The following ATP8B4 variants were observed in gnomAD, a reference collection of about 807,000 sequenced individuals.
ATP8B4 encodes the protein probable phospholipid-transporting ATPase IM.
ATP8B4 carries 133 observed loss-of-function variants against 145.6 expected under a neutral mutation model. That is an observed-to-expected ratio of 0.91 (90% confidence interval 0.79 to 1.05). The LOEUF (loss-of-function observed/expected upper bound fraction) is 1.05, where lower values mean the gene tolerates loss of function less well. ATP8B4 is among the 50% of genes least tolerant of loss of function. ATP8B4 has a pLI of 0.00. For missense variants in ATP8B4, 1,458 were observed against 1,425.2 expected, an observed-to-expected ratio of 1.02 and a Z score of -0.37; for synonymous variants, 507 against 492.9, an observed-to-expected ratio of 1.03 and a Z score of -0.38.
intron 2 of ATP8B4, among the ~76,000 whole-genome samples, chr15:50,102,430 G>T (rs992206807): frequency 1.3e-5 from 2 of 152,002 alleles, no homozygotes; most frequent in Non-Finnish European, 2.9e-5. Flanking sequence ...CAATACCACA[G>T]AAATACAAAA....
chr15:50,031,741 C>A (rs955674326), intron 6 of ATP8B4, among the ~76,000 whole-genome samples: 1 of 152,114 alleles, frequency 6.6e-6, no homozygotes, highest in Non-Finnish European at 1.5e-5. Context: ...AAGAATATAG[C>A]AGCAAATTAT....
chr15:49,877,972 G>A (rs2034755939), intron 24 of ATP8B4, among the ~76,000 whole-genome samples: 1 of 152,144 alleles, frequency 6.6e-6, no homozygotes, highest in African/African-American at 2.4e-5. Flanking sequence ...CTTGGTTTCT[G>A]CCTTAAAAAA....
At chr15:49,917,493 CA>C (rs377254121) in intron 19 of ATP8B4, among the ~76,000 whole-genome samples, 17 of 150,046 alleles carry the variant, frequency 1.1e-4, no homozygotes, top group African/African-American at 3.2e-4. Context: ...AGTTGAATGA[CA>C]AAAAAAAATG....
chr15:50,151,143 T>G (rs2044341974), intron 1 of ATP8B4, among the ~76,000 whole-genome samples: 1 of 152,220 alleles, frequency 6.6e-6, no homozygotes, highest in African/African-American at 2.4e-5. Context: ...TTTTAGCAAT[T>G]CCATGAAAGA....
At chr15:49,947,045 T>G (rs1396406093) in intron 14 of ATP8B4, among the ~76,000 whole-genome samples, 3 of 152,208 alleles carry the variant, frequency 2.0e-5, no homozygotes, top group Non-Finnish European at 4.4e-5. Flanking sequence ...CTCTCCTTCA[T>G]TTCTATCACG....
intron 3 of ATP8B4, among the ~76,000 whole-genome samples, chr15:50,057,842 T>C (rs2052715262): frequency 6.6e-6 from 1 of 152,208 alleles, no homozygotes; most frequent in Non-Finnish European, 1.5e-5. Context: ...TTTGGATAAT[T>C]ATCAGGGGAA....
At chr15:49,882,361 G>A (rs1404856314) in intron 23 of ATP8B4, among the ~76,000 whole-genome samples, 2 of 152,152 alleles carry the variant, frequency 1.3e-5, no homozygotes, top group Non-Finnish European at 2.9e-5. Flanking sequence ...CTTCTGATGA[G>A]TGAATGTGTC....
chr15:50,113,797 C>A (rs2057061121), intron 1 of ATP8B4, among the ~76,000 whole-genome samples: 1 of 136,448 alleles, frequency 7.3e-6, no homozygotes. Flanking sequence ...TGAGATCATG[C>A]CATTGCACTC....
chr15:49,954,871 C>G (rs1028653934), intron 14 of ATP8B4, among the ~76,000 whole-genome samples: 3 of 152,054 alleles, frequency 2.0e-5, no homozygotes, highest in Non-Finnish European at 4.4e-5. Context: ...ACACCTACAC[C>G]CATATGCCTA....
intron 10 of ATP8B4, among the ~76,000 whole-genome samples, chr15:49,981,547 G>A (rs1303887230): frequency 6.6e-6 from 1 of 152,104 alleles, no homozygotes; most frequent in Non-Finnish European, 1.5e-5. Flanking sequence ...AAAGGTTTAA[G>A]TGAAGCTATT....
chr15:50,026,598 G>A lies in ATP8B4; in HGVS notation c.362+12170C>T, dbSNP rs4774553. Among the ~76,000 whole-genome samples, 17 of 152,292 alleles carry A rather than the reference G, an allele frequency of 1.1e-4. No individual in the cohort carries two copies. In the East Asian group the frequency reaches 1.2e-3, roughly 10 times the overall value. On this transcript the variant is annotated intron_variant, in intron 6 of 27. Transcript: ENST00000284509. ...ATACATAAGATTTCATTTGAAAAGG[G>A]TTCTGCTTATTGGAAAAAGAAATGT...
intron 23 of ATP8B4, chr15:49,896,711 T>C (rs1172143988): frequency 6.6e-6 from 1 of 152,248 alleles, no homozygotes; most frequent in Non-Finnish European, 1.5e-5. Context: ...TTTCTGATAT[T>C]GAAGATGTGT....
chr15:50,017,672 T>A (rs1315128054), intron 6 of ATP8B4, among the ~76,000 whole-genome samples: 6 of 152,220 alleles, frequency 3.9e-5, no homozygotes, highest in African/African-American at 1.4e-4. Context: ...AGAAAAAATA[T>A]TGGCTGCCTT....
Position 49,923,508 on chromosome 15 carries a change from A to T in ATP8B4, c.1643-14T>A, listed in dbSNP as rs1251140006. On this transcript the variant is annotated splice_polypyrimidine_tract_variant and intron_variant, in intron 16 of 27. Coordinates refer to ENST00000284509, the MANE Select transcript of ATP8B4 (RefSeq NM_024837.4). ...CTGGGTTTCGAACTGAAAAGAAAAA[A>T]GTTTGGAAAAGCAGAATATAATCAA... 1 of 1,541,630 alleles carries T rather than the reference A, an allele frequency of 6.5e-7. No individual in the cohort carries two copies. The highest frequency in any genetic ancestry group is 8.9e-7 in the Non-Finnish European group (1 of 1,128,192).
chr15:50,172,066 A>C (rs754035045), intron 1 of ATP8B4, among the ~76,000 whole-genome samples: 21 of 152,372 alleles, frequency 1.4e-4, no homozygotes, highest in Non-Finnish European at 2.8e-4. Context: ...ATTAAAAATT[A>C]CCAAGAAAAA....
At chr15:49,951,163 TG>T (rs566897077) in intron 14 of ATP8B4, among the ~76,000 whole-genome samples, 12 of 152,346 alleles carry the variant, frequency 7.9e-5, no homozygotes, top group African/African-American at 2.9e-4. Flanking sequence ...CTAAGAAGAA[TG>T]TATATTCTGT....
At chr15:49,947,668 A>G (rs548417833) in intron 14 of ATP8B4, among the ~76,000 whole-genome samples, 25 of 152,246 alleles carry the variant, frequency 1.6e-4, no homozygotes, top group African/African-American at 5.5e-4. Flanking sequence ...AGCCAAAACT[A>G]TCTTGAGGAA....
chr15:49,959,593 A>G (rs2043883184), intron 14 of ATP8B4, among the ~76,000 whole-genome samples: 1 of 152,162 alleles, frequency 6.6e-6, no homozygotes, highest in Middle Eastern at 3.2e-3. Context: ...AGAAGTTACT[A>G]TAAACAAAAG....
At chr15:49,879,326 T>G (rs777947926) in intron 24 of ATP8B4, 50 bp downstream of exon 24, 1 of 1,504,624 alleles carries the variant, frequency 6.6e-7, no homozygotes, top group African/African-American at 1.4e-5. Flanking sequence ...CACAAAAAAC[T>G]AAAAGGCATA....
Sources: allele counts gnomAD v4.1 joint callset (sites outside exome capture counted in the v4.1 genomes callset), GRCh38; gene constraint gnomAD v4.1.1; transcripts MANE v1.5; gene names NCBI Gene and HGNC (gene_info 2026-07-23, HGNC 2026-07-21).